SGCD: variants seen among roughly 807,000 people sequenced by gnomAD.
SGCD encodes sarcoglycan delta.
In SGCD, 18 loss-of-function variants were observed where a neutral mutation model predicts 36.6. The ratio of observed to expected loss-of-function variants is 0.49; its 90% CI spans 0.34 to 0.73. The LOEUF is 0.73. Among genes scored for constraint, SGCD ranks in the 30% least tolerant of loss-of-function variants. SGCD has a pLI of 0.01. For synonymous variants in SGCD, 133 were observed against 130.6 expected (o/e 1.02, Z -0.12); for missense variants, 387 against 346.7 (o/e 1.12, Z -0.92).
chr5:156,493,163 G>T (rs181227237), intron 3 of SGCD, among the ~76,000 whole-genome samples: 1 of 152,022 alleles, frequency 6.6e-6, no homozygotes, highest in Non-Finnish European at 1.5e-5. Flanking sequence ...TGGTTGAAAC[G>T]ACATGATGTT....
At chr5:155,912,702 T>C (rs1580987149) in intron 1 of SGCD, among the ~76,000 whole-genome samples, 1 of 152,188 alleles carries the variant, frequency 6.6e-6, no homozygotes, top group South Asian at 2.1e-4. Flanking sequence ...GCCAGTATGA[T>C]AGCCAATTCA....
At chr5:156,083,797 T>C (rs954539373) in intron 1 of SGCD, among the ~76,000 whole-genome samples, 1 of 151,986 alleles carries the variant, frequency 6.6e-6, no homozygotes, top group African/African-American at 2.4e-5. Context: ...TTGTTTTTGT[T>C]TTTTGTTTGT....
chr5:156,684,331 G>C (rs1360196155), intron 7 of SGCD, among the ~76,000 whole-genome samples: 1 of 152,154 alleles, frequency 6.6e-6, no homozygotes, highest in Non-Finnish European at 1.5e-5. Flanking sequence ...TCAGCAGCAT[G>C]AGCTCCTCCC....
intron 3 of SGCD, among the ~76,000 whole-genome samples, chr5:156,283,073 T>C (rs925789590): frequency 1.5e-4 from 23 of 152,206 alleles, no homozygotes; most frequent in African/African-American, 5.5e-4. Flanking sequence ...TAATAAACTC[T>C]GCAGGCCTTT....
rs552361969 is a variant in SGCD, at chr5:156,483,201, G to T, written c.193-25400G>T. ...CTGGATCCATTTAGTGTGTTCAGAG[G>T]ACCAGTAAGAAGGTCAATGTGGCTG... is the stretch of plus-strand genomic sequence containing the variant. On this transcript the variant is annotated intron_variant, in intron 3 of 8. Coordinates refer to ENST00000337851, the MANE Select transcript of SGCD (RefSeq NM_000337.6). Among the ~76,000 whole-genome samples the T allele has an allele frequency of 7.9e-5, 12 of 152,242 alleles. No individual in the cohort carries two copies. The South Asian group carries it at 1.7e-3, about 21-fold the overall frequency.
intron 4 of SGCD, among the ~76,000 whole-genome samples, chr5:156,509,129 A>C (rs1756829490): frequency 6.6e-6 from 1 of 152,154 alleles, no homozygotes; most frequent in African/African-American, 2.4e-5. Context: ...GTTGGTTAGG[A>C]TCAATTCAAT....
At chr5:156,668,834 G>C (rs921547506) in intron 7 of SGCD, among the ~76,000 whole-genome samples, 4 of 152,160 alleles carry the variant, frequency 2.6e-5, no homozygotes, top group African/African-American at 9.7e-5. Context: ...CTGAGTCATG[G>C]AGGAGGGAAG....
At chr5:156,071,345 G>A (rs1581078102) in intron 1 of SGCD, among the ~76,000 whole-genome samples, 1 of 152,110 alleles carries the variant, frequency 6.6e-6, no homozygotes, top group East Asian at 1.9e-4. Flanking sequence ...TGTTCTCATT[G>A]GTTTCAAAGA....
At chr5:156,465,999 A>G (rs572466145) in intron 3 of SGCD, among the ~76,000 whole-genome samples, 104 of 152,222 alleles carry the variant, frequency 6.8e-4, no homozygotes, top group Non-Finnish European at 1.3e-3. Context: ...AAAAAGCAAT[A>G]TACTTATTCC....
intron 3 of SGCD, among the ~76,000 whole-genome samples, chr5:156,363,980 G>A (rs1209709595): frequency 6.6e-6 from 1 of 152,136 alleles, no homozygotes; most frequent in East Asian, 1.9e-4. Context: ...CCCAGGGAAT[G>A]TGATTATGAT....
the SGCD span, among the ~76,000 whole-genome samples, chr5:155,831,025 C>A: frequency 6.6e-6 from 1 of 152,164 alleles, no homozygotes; most frequent in East Asian, 1.9e-4. Context: ...TTCATTGAGT[C>A]AGATTTAGCC....
At position 156,029,743 on chromosome 5, in the gene SGCD, C is replaced by T. The variant is rs572146041; in HGVS notation, c.-281-88135C>T. Among the ~76,000 whole-genome samples, 22 of 152,316 alleles carry T rather than the reference C, an allele frequency of 1.4e-4. 1 individual carries two copies. Among genetic ancestry groups the T allele is most frequent in the Non-Finnish European group, 2.5e-4 (17 of 68,036 alleles). ...CCCATTTCTGTTCAATATCCATCTT[C>T]TACCTCCAGATCTGTTCTCTAGGGC... is the stretch of plus-strand genomic sequence containing the variant. On this transcript the variant is annotated intron_variant, in intron 1 of 9. Transcript: ENST00000517913.
At chr5:156,345,121 ATT>A (rs1768880680) in intron 3 of SGCD, among the ~76,000 whole-genome samples, 1 of 152,170 alleles carries the variant, frequency 6.6e-6, no homozygotes, top group Non-Finnish European at 1.5e-5. Flanking sequence ...AATTTTAACT[ATT>A]TATGCTTGAT....
intron 1 of SGCD, among the ~76,000 whole-genome samples, chr5:155,930,915 C>T (rs1050022513): frequency 9.2e-5 from 14 of 152,148 alleles, no homozygotes; most frequent in African/African-American, 3.4e-4. Context: ...ATCATAATCC[C>T]TGACATTTGT....
At chr5:156,746,849 A>G (rs3969608) in intron 7 of SGCD, among the ~76,000 whole-genome samples, 61,907 of 151,938 alleles carry the variant, frequency 0.41, 13,196 homozygotes, top group East Asian at 0.59. Flanking sequence ...AATTACAAAT[A>G]TTAATAAATT....
the SGCD span, among the ~76,000 whole-genome samples, chr5:155,844,661 G>A: frequency 7.2e-5 from 11 of 152,274 alleles, no homozygotes; most frequent in African/African-American, 2.6e-4. Context: ...AATTGAGGAA[G>A]CTTGGTGCTG....
At chr5:155,906,029 A>G (rs1264466376) in intron 1 of SGCD, among the ~76,000 whole-genome samples, 2 of 152,084 alleles carry the variant, frequency 1.3e-5, no homozygotes, top group Non-Finnish European at 2.9e-5. Context: ...TGTTAGTTCC[A>G]TTTTTCCAAC....
At chr5:156,306,518 A>G (rs1423901546) in intron 3 of SGCD, among the ~76,000 whole-genome samples, 2 of 152,206 alleles carry the variant, frequency 1.3e-5, no homozygotes, top group African/African-American at 2.4e-5. Context: ...AAAAGGGACT[A>G]ATATAGTAGT....
At chr5:156,372,742 G>C (rs1450968076) in intron 3 of SGCD, among the ~76,000 whole-genome samples, 1 of 152,186 alleles carries the variant, frequency 6.6e-6, no homozygotes, top group Non-Finnish European at 1.5e-5. Context: ...TAGACATTTT[G>C]AAGCTTTTAA....
Sources: gnomAD v4.1 joint callset for allele counts (sites outside exome capture counted in the v4.1 genomes callset) on GRCh38, gnomAD v4.1.1 for gene constraint, MANE v1.5 for transcripts, NCBI Gene and HGNC (gene_info 2026-07-23, HGNC 2026-07-21) for gene names.